RGS5: variants seen among roughly 807,000 people sequenced by gnomAD.
RGS5 encodes regulator of G protein signaling 5.
In RGS5, 20 loss-of-function variants were observed where a neutral mutation model predicts 18.9. The observed-to-expected ratio is 1.06, with a 90% CI of 0.74 to 1.54. The LOEUF (loss-of-function observed/expected upper bound fraction) is 1.54, where lower values mean the gene tolerates loss of function less well. Ranked by LOEUF, RGS5 falls within the 40% of genes most tolerant of loss-of-function variation. The pLI, the probability that RGS5 is intolerant of heterozygous loss-of-function variation, is 0.00. For missense variants in RGS5, 201 were observed against 211.8 expected (o/e 0.95, Z 0.32); for synonymous variants, 57 against 76.2 (o/e 0.75, Z 1.31).
chr1:163,227,731 G>A (rs1191510222), intron 2 of RGS5, among the ~76,000 whole-genome samples: 1 of 152,086 alleles, frequency 6.6e-6, no homozygotes, highest in South Asian at 2.1e-4. Flanking sequence ...TTCCACTTAT[G>A]AGCCTGTAAA....
intron 2 of RGS5, among the ~76,000 whole-genome samples, chr1:163,246,025 C>T (rs1647921435): frequency 6.6e-6 from 1 of 151,526 alleles, no homozygotes; most frequent in Non-Finnish European, 1.5e-5. Context: ...ACCATCCTGG[C>T]TAACACAGTG....
chr1:163,315,399 A>T (rs1464933002), intron 1 of RGS5, among the ~76,000 whole-genome samples: 2 of 152,198 alleles, frequency 1.3e-5, no homozygotes, highest in Non-Finnish European at 2.9e-5. Flanking sequence ...TCTACAAAAG[A>T]AAACTGAATT....
At chr1:163,308,043 G>A (rs1649752536) in intron 1 of RGS5, among the ~76,000 whole-genome samples, 2 of 152,192 alleles carry the variant, frequency 1.3e-5, no homozygotes. Context: ...TAAAGTGTGA[G>A]TTTAAAGTTC....
upstream of RGS5, among the ~76,000 whole-genome samples, chr1:163,207,142 A>G (rs1027552566): frequency 4.6e-5 from 7 of 152,222 alleles, no homozygotes; most frequent in African/African-American, 1.7e-4. Flanking sequence ...TATAAATGGA[A>G]ATGAAATTGT....
At chr1:163,167,696 G>A (rs895336522) in intron 2 of RGS5, among the ~76,000 whole-genome samples, 1 of 152,170 alleles carries the variant, frequency 6.6e-6, no homozygotes, top group African/African-American at 2.4e-5. Flanking sequence ...AGCTAGTCCA[G>A]TATTCGTTCT....
At chr1:163,192,978 C>T (rs1240337698) in intron 1 of RGS5, among the ~76,000 whole-genome samples, 2 of 152,176 alleles carry the variant, frequency 1.3e-5, no homozygotes, top group African/African-American at 4.8e-5. Flanking sequence ...TAGACAAGTG[C>T]CTCATCAAGA....
At chr1:163,301,409 T>A (rs562122183) in intron 2 of RGS5, among the ~76,000 whole-genome samples, 1 of 152,180 alleles carries the variant, frequency 6.6e-6, no homozygotes, top group African/African-American at 2.4e-5. Context: ...CTTAGCTCAC[T>A]GCAGCCCAGG....
chr1:163,300,738 T>C (rs914109716), intron 2 of RGS5: 1 of 152,098 alleles, frequency 6.6e-6, no homozygotes, highest in Non-Finnish European at 1.5e-5. Context: ...AGAACATTAA[T>C]AAAAACAAAG....
At chr1:163,151,726 C>G (rs558503537) in intron 4 of RGS5, among the ~76,000 whole-genome samples, 1 of 152,154 alleles carries the variant, frequency 6.6e-6, no homozygotes, top group African/African-American at 2.4e-5. Context: ...CCCATCCATG[C>G]GGAACTGTGA....
chr1:163,146,290 CT>C lies in RGS5; in HGVS notation c.*1051del, dbSNP rs1269729636. On this transcript the variant is annotated 3_prime_UTR_variant, in exon 5 of 5. Coordinates refer to ENST00000313961, the MANE Select transcript of RGS5 (RefSeq NM_003617.4). ...GCAGTGTACCTTAAAAGTGTCTCAC[CT>C]AGAAGGCCTCTACCTGTAATCACAT... 6.6e-6 allele frequency: 1 copy of C among 151,176 alleles called. No homozygotes were observed. The highest frequency in any genetic ancestry group is 1.5e-5 in the Non-Finnish European group (1 of 67,898). The allele number at this position is 151,176 out of a possible 1,614,324, so 9.4% of individuals were successfully genotyped here. A position where few individuals can be genotyped will look rare whatever the true frequency, so the allele number is the denominator to read the frequency against.
At chr1:163,288,726 C>G (rs1024489490) in intron 2 of RGS5, among the ~76,000 whole-genome samples, 1 of 152,148 alleles carries the variant, frequency 6.6e-6, no homozygotes, top group Non-Finnish European at 1.5e-5. Context: ...TCACCCTAGT[C>G]TTACTCTATC....
chr1:163,270,936 G>A (rs1326757615), intron 2 of RGS5, among the ~76,000 whole-genome samples: 1 of 152,074 alleles, frequency 6.6e-6, no homozygotes, highest in Non-Finnish European at 1.5e-5. Flanking sequence ...GTTTTTTAAA[G>A]CTTTTTAAAA....
chr1:163,216,447 C>A (rs906395830), intron 1 of RGS5, among the ~76,000 whole-genome samples: 1 of 152,086 alleles, frequency 6.6e-6, no homozygotes, highest in African/African-American at 2.4e-5. Flanking sequence ...CCCCCACTGT[C>A]TTGTGGAGGA....
intron 2 of RGS5, among the ~76,000 whole-genome samples, chr1:163,286,230 G>A (rs1377520261): frequency 2.0e-5 from 3 of 152,084 alleles, no homozygotes; most frequent in Non-Finnish European, 4.4e-5. Context: ...TAATCTAGAG[G>A]TGATTTAAAA....
chr1:163,305,609 C>T (rs1649675637), intron 2 of RGS5, among the ~76,000 whole-genome samples: 1 of 152,156 alleles, frequency 6.6e-6, no homozygotes, highest in Non-Finnish European at 1.5e-5. Flanking sequence ...AGTACTTTCC[C>T]CCATGTTTGC....
chr1:163,147,188 G>A lies in RGS5; in HGVS notation c.*154C>T, dbSNP rs1002440140. On this transcript the variant is annotated 3_prime_UTR_variant, in exon 5 of 5. Coordinates refer to ENST00000313961, the MANE Select transcript of RGS5 (RefSeq NM_003617.4). Reference sequence around the variant, plus strand: ...ACAGTAGATAAGTATCCAAAGCAGTGTGGGCAAAAAGAGTAAGCAACATCC... The same window carrying A: ...ACAGTAGATAAGTATCCAAAGCAGTATGGGCAAAAAGAGTAAGCAACATCC... The A allele has an allele frequency of 4.5e-6, 3 of 670,540 alleles. No individual in the cohort carries two copies. The Admixed American group carries it at 1.1e-4, about 24-fold the overall frequency. The allele number at this position is 670,540 out of a possible 1,614,324, so 41.5% of individuals were successfully genotyped here.
chr1:163,167,089 A>G (rs914876308), intron 2 of RGS5, among the ~76,000 whole-genome samples: 18 of 152,308 alleles, frequency 1.2e-4, no homozygotes, highest in African/African-American at 4.1e-4. Context: ...GGAAATATTC[A>G]CTTAGGCTAA....
At chr1:163,272,278 GA>G (rs1648742053) in intron 2 of RGS5, among the ~76,000 whole-genome samples, 1 of 151,724 alleles carries the variant, frequency 6.6e-6, no homozygotes, top group Non-Finnish European at 1.5e-5. Flanking sequence ...TCTTTATATT[GA>G]GTTATAAAGA....
rs192989855 is a variant in RGS5, at chr1:163,275,349, A to G, written c.-281+30884T>C. On this transcript the variant is annotated intron_variant, in intron 2 of 5. Coordinates refer to the RGS5 transcript ENST00000618415. Reference sequence around the variant, plus strand: ...CTCATGTCCAAGATTTCACTGTTAAATGTCTGGCAAATCTGCTAGTCCATT... The same window carrying G: ...CTCATGTCCAAGATTTCACTGTTAAGTGTCTGGCAAATCTGCTAGTCCATT... Among the ~76,000 whole-genome samples the G allele has an allele frequency of 7.9e-5, 12 of 152,224 alleles. 1 individual carries two copies. The East Asian group carries it at 1.5e-3, about 20-fold the overall frequency.
Sources: allele counts gnomAD v4.1 joint callset (sites outside exome capture counted in the v4.1 genomes callset), GRCh38; gene constraint gnomAD v4.1.1; transcripts MANE v1.5; gene names NCBI Gene and HGNC (gene_info 2026-07-23, HGNC 2026-07-21).